AFDN: variants seen among roughly 807,000 people sequenced by gnomAD.
AFDN encodes the protein afadin, adherens junction formation factor, also known as afadin.
Under a neutral mutation model 216.6 loss-of-function variants are expected in AFDN, and 68 were observed. That is an observed-to-expected ratio of 0.31 (90% CI 0.26 to 0.38). The LOEUF (loss-of-function observed/expected upper bound fraction) is 0.38. AFDN is among the 10% of genes least tolerant of loss of function. The pLI is 1.00. For missense variants in AFDN, 2,136 were observed against 2,342.0 expected (o/e 0.91, Z 1.82); for synonymous variants, 868 against 853.7 (o/e 1.02, Z -0.29).
At chr6:167,827,993 A>C (rs1195903498) in intron 1 of AFDN, 1 of 152,236 alleles carries the variant, frequency 6.6e-6, no homozygotes, top group Non-Finnish European at 1.5e-5. Flanking sequence ...CTTTTAAAAA[A>C]ATGTTTGAGT....
Position 167,951,814 on chromosome 6 carries a change from A to C in AFDN, c.4460A>C (p.Glu1487Ala). 6.2e-7 allele frequency: 1 copy of C among 1,614,156 alleles called. No individual in the cohort carries two copies. The highest frequency in any genetic ancestry group is 2.2e-5 in the East Asian group (1 of 44,864). Reference sequence around the variant, plus strand: ...CGGCCACAGGAAACAGTCATTCGGGAGCTGCAGCCTCAGCAGCAGCCCCGC... The same window carrying C: ...CGGCCACAGGAAACAGTCATTCGGGCGCTGCAGCCTCAGCAGCAGCCCCGC... ...LQRPQETVIR[E>A]LQPQQQPRTI... The change falls in exon 30 of 34, where the codon GAG (glutamate) becomes GCG (alanine). Residue 1487 changes from glutamate (E) to alanine (A), a missense_variant. Glu to Ala is a moderately radical substitution (Grantham distance 107). Around this residue, in one of 8 missense-constraint regions of AFDN, gnomAD observed 981 missense variants for 966.0 expected, o/e 1.02. Coordinates refer to ENST00000683244, the MANE Select transcript of AFDN (RefSeq NM_001386888.1). The surrounding 1 kb of genome is among the most constrained non-coding windows in gnomAD (Gnocchi z 7.1).
intron 6 of AFDN, among the ~76,000 whole-genome samples, chr6:167,887,242 G>C (rs1301903184): frequency 6.6e-6 from 1 of 151,878 alleles, no homozygotes; most frequent in Non-Finnish European, 1.5e-5. Context: ...CTTAATCGGG[G>C]TTTTAAAGTT....
At position 167,911,769 on chromosome 6, in the gene AFDN, T is replaced by A. The variant is rs1790429616; in HGVS notation, c.2037+280T>A. On this transcript the variant is annotated intron_variant, in intron 15 of 33. Coordinates refer to ENST00000683244, the MANE Select transcript of AFDN (RefSeq NM_001386888.1). ...AGACTGTTGTGGGCTTTTGTAGAAT[T>A]TTTTCTGTAAATAATTTGTTGAGAT... The A allele has an allele frequency of 3.8e-5, 16 of 421,282 alleles. No individual in the cohort carries two copies. In the South Asian group the frequency reaches 4.1e-4, roughly 11 times the overall value. 26.1% of individuals were successfully genotyped at this position (421,282 alleles called of 1,614,324 possible). A position where few individuals can be genotyped will look rare whatever the true frequency, so the allele number is the denominator to read the frequency against.
At chr6:167,953,207 A>C (rs1377701518) in intron 30 of AFDN, among the ~76,000 whole-genome samples, 3 of 152,116 alleles carry the variant, frequency 2.0e-5, no homozygotes, top group African/African-American at 7.2e-5. Flanking sequence ...TTCTGTTTCT[A>C]ATTTCAACTG....
intron 1 of AFDN, among the ~76,000 whole-genome samples, chr6:167,840,587 A>G (rs1457562877): frequency 6.6e-6 from 1 of 152,246 alleles, no homozygotes; most frequent in African/African-American, 2.4e-5. Flanking sequence ...ATTGTGAGAA[A>G]GAAATACAGC....
intron 1 of AFDN, among the ~76,000 whole-genome samples, chr6:167,846,004 C>T (rs1055290069): frequency 6.6e-6 from 1 of 152,074 alleles, no homozygotes; most frequent in African/African-American, 2.4e-5. Flanking sequence ...ACCATCAGAT[C>T]TCCACTCAGT....
intron 32 of AFDN, among the ~76,000 whole-genome samples, chr6:167,966,797 T>G (rs1797612364): frequency 6.6e-6 from 1 of 152,252 alleles, no homozygotes; most frequent in Non-Finnish European, 1.5e-5. Context: ...TCCGCTAAGC[T>G]GGTTCACTGT....
intron 1 of AFDN, among the ~76,000 whole-genome samples, chr6:167,857,840 A>C (rs900802641): frequency 6.6e-6 from 1 of 152,162 alleles, no homozygotes; most frequent in Non-Finnish European, 1.5e-5. Context: ...CCTTCACTAG[A>C]TGTCCAAACA....
chr6:167,875,196 A>G, intron 4 of AFDN, 139 bp from the exon 5 acceptor site: 3 of 674,262 alleles, frequency 4.4e-6, no homozygotes, highest in East Asian at 5.2e-5. Flanking sequence ...AGCATGTGGT[A>G]AATAGTACGT....
chr6:167,920,960 T>G lies in AFDN; in HGVS notation c.2909-1896T>G, dbSNP rs1375759663. 2.0e-5 allele frequency among the ~76,000 whole-genome samples: 3 copies of G among 152,228 alleles called. 1 individual carries two copies. The highest frequency in any genetic ancestry group is 4.8e-5 in the African/African-American group (2 of 41,458). Reference sequence around the variant, plus strand: ...TGCTTCTATTTTTGCACTGGTCACATTGTGTTTCAAACGCGTGCCGCTGTC... The same window carrying G: ...TGCTTCTATTTTTGCACTGGTCACAGTGTGTTTCAAACGCGTGCCGCTGTC... On this transcript the variant is annotated intron_variant, in intron 21 of 33. Transcript: ENST00000683244.
At chr6:167,960,909 A>G (rs1796972290) in intron 30 of AFDN, among the ~76,000 whole-genome samples, 1 of 152,146 alleles carries the variant, frequency 6.6e-6, no homozygotes, top group Non-Finnish European at 1.5e-5. Context: ...CAGTTCAATT[A>G]TTTGTCTCTT....
chr6:167,846,143 C>T (rs532718350), intron 1 of AFDN, among the ~76,000 whole-genome samples: 14 of 151,932 alleles, frequency 9.2e-5, no homozygotes, highest in African/African-American at 2.2e-4. Context: ...TGAGTTACAG[C>T]GGATAGCTTG....
intron 14 of AFDN, 50 bp from the exon 15 acceptor site, chr6:167,911,233 TC>T (rs919956024): frequency 2.5e-6 from 4 of 1,602,038 alleles, no homozygotes; most frequent in Non-Finnish European, 3.4e-6. Context: ...ATTTTCACAT[TC>T]GTTTTTATTC....
At chr6:167,916,867 A>G (rs1791142421) in intron 19 of AFDN, among the ~76,000 whole-genome samples, 1 of 152,196 alleles carries the variant, frequency 6.6e-6, no homozygotes, top group Non-Finnish European at 1.5e-5. Context: ...CATGCACGTC[A>G]TAAAATTAAG....
intron 13 of AFDN, among the ~76,000 whole-genome samples, chr6:167,910,890 G>C (rs1389571688): frequency 6.6e-6 from 1 of 152,100 alleles, no homozygotes; most frequent in Non-Finnish European, 1.5e-5. Flanking sequence ...TATACTTCAA[G>C]GAACTAACCT....
At position 167,877,689 on chromosome 6, in the gene AFDN, T is replaced by C. The variant is rs963921955; in HGVS notation, c.739+2194T>C. Among the ~76,000 whole-genome samples, 4 of 152,338 alleles carry C rather than the reference T, an allele frequency of 2.6e-5. No homozygotes were observed. The South Asian group carries it at 6.2e-4, about 24-fold the overall frequency. On this transcript the variant is annotated intron_variant, in intron 5 of 33. Coordinates refer to ENST00000683244, the MANE Select transcript of AFDN (RefSeq NM_001386888.1). Reference sequence around the variant, plus strand: ...ACAAATAACTTCCTCTGAAAAAATATATCCTTACAGCCTACTGCAGCTATC... The same window carrying C: ...ACAAATAACTTCCTCTGAAAAAATACATCCTTACAGCCTACTGCAGCTATC...
At chr6:167,832,221 G>A (rs1357881154) in intron 1 of AFDN, among the ~76,000 whole-genome samples, 1 of 152,212 alleles carries the variant, frequency 6.6e-6, no homozygotes, top group Non-Finnish European at 1.5e-5. Context: ...CCTTTAACCA[G>A]TTCTGGGCAT....
rs1410040453 is a variant in AFDN, at chr6:167,970,109, T to C, written c.*174T>C. The C allele has an allele frequency of 1.7e-6, 1 of 579,632 alleles. No homozygotes were observed. Among genetic ancestry groups the C allele is most frequent in the Non-Finnish European group, 2.9e-6 (1 of 348,064 alleles). 35.9% of individuals were successfully genotyped at this position (579,632 alleles called of 1,614,324 possible). On this transcript the variant is annotated 3_prime_UTR_variant, in exon 34 of 34. Coordinates refer to ENST00000683244, the MANE Select transcript of AFDN (RefSeq NM_001386888.1). ...GTTTCAATTCCAAGAAATTTTATTT[T>C]ACTTTACCATGAGATTGCCATTTAT...
rs189502960 is a variant in AFDN at position 167,901,841 on chromosome 6, C to A, written c.1581-476C>A. On this transcript the variant is annotated intron_variant, in intron 11 of 33. Transcript: ENST00000683244. The stretch of plus-strand genomic sequence containing the variant: ...GCGTGGTGGCTCATGCCTGTAATCC[C>A]CAGCACTTTGGGAGGCTGAGGTGGG... Among the ~76,000 whole-genome samples, 644 of 151,946 alleles carry A rather than the reference C, an allele frequency of 4.2e-3. 7 individuals carry two copies. The highest frequency in any genetic ancestry group is 0.015 in the African/African-American group (607 of 41,422).
Sources: gnomAD v4.1 joint callset for allele counts (sites outside exome capture counted in the v4.1 genomes callset) on GRCh38, gnomAD v4.1.1 for gene constraint, gnomAD v4.1.1 regional missense constraint, Gnocchi (gnomAD v3.1) non-coding constraint, MANE v1.5 for transcripts, NCBI Gene and HGNC (gene_info 2026-07-23, HGNC 2026-07-21) for gene names.